CASD1: variants seen among roughly 807,000 people sequenced by gnomAD.
CASD1 encodes CAS1 domain sialic acid O acetyltransferase 1, also known as N-acetylneuraminate (7)9-O-acetyltransferase.
CASD1 carries 41 observed loss-of-function variants against 100.0 expected under a neutral mutation model. The observed-to-expected ratio is 0.41, with a 90% confidence interval of 0.32 to 0.53. CASD1 has a LOEUF of 0.53. CASD1 is among the 20% of genes least tolerant of loss of function. The pLI is 0.25. For synonymous variants in CASD1, 321 were observed against 315.6 expected (o/e 1.02, Z -0.18); for missense variants, 774 against 948.7 (o/e 0.82, Z 2.42).
the CASD1 span, among the ~76,000 whole-genome samples, chr7:94,574,073 G>C: frequency 2.0e-5 from 3 of 152,184 alleles, no homozygotes; most frequent in African/African-American, 7.2e-5. Flanking sequence ...ATCCCAGGAT[G>C]AAACCTACTT....
chr7:94,569,157 G>A, the CASD1 span, among the ~76,000 whole-genome samples: 2 of 152,118 alleles, frequency 1.3e-5, no homozygotes, highest in African/African-American at 2.4e-5. Context: ...ATGGAGGGCA[G>A]TCTAGATATA....
At chr7:94,521,899 C>T (rs974826838) in intron 3 of CASD1, among the ~76,000 whole-genome samples, 3 of 152,134 alleles carry the variant, frequency 2.0e-5, no homozygotes, top group Non-Finnish European at 4.4e-5. Flanking sequence ...TCCTGGCTAA[C>T]ACGGTGAAAC....
chr7:94,528,273 CTT>C (rs57770781), intron 5 of CASD1, 23 bp downstream of exon 5: 54,650 of 1,116,800 alleles, frequency 0.049, 24 homozygotes, highest in East Asian at 0.11. Flanking sequence ...AAAACATAGG[CTT>C]TTTTTTTTTT....
In CASD1 at chr7:94,544,515, C is replaced by G; in HGVS notation, c.1461C>G (p.Ile487Met). The change falls in exon 11 of 18, where the codon ATC (isoleucine) becomes ATG (methionine). Residue 487 changes from isoleucine to methionine, a missense_variant. By Grantham distance (10) the Ile-to-Met change is conservative. This residue lies in a region of CASD1 where 453 missense variants were observed against 532.6 expected (regional missense o/e 0.85). Transcript: ENST00000297273. ...TTTGGATAAAAGGAGATTTTGGAAT[C>G]TATAGAGTATGTCAGGTAGGAATGC... ...SYFWIKGDFG[I>M]YRVCQVLFRL... is the part of the protein sequence containing the mutation. 6.2e-7 allele frequency: 1 copy of G among 1,612,646 alleles called. No homozygotes were observed. The highest frequency in any genetic ancestry group is 8.5e-7 in the Non-Finnish European group (1 of 1,179,272).
Position 94,510,064 on chromosome 7 carries a change from T to C in CASD1, c.-21T>C. ...GCCCCTTTCCCGCTCCGCCGCGCAC[T>C]GTTGTCATGGAGGAACCAAGATGGC... On this transcript the variant is annotated 5_prime_UTR_variant, in exon 1 of 18. Coordinates refer to ENST00000297273, the MANE Select transcript of CASD1 (RefSeq NM_022900.5). The C allele has an allele frequency of 6.7e-7, 1 of 1,496,474 alleles. No homozygotes were observed. Among genetic ancestry groups the C allele is most frequent in the Non-Finnish European group, 8.9e-7 (1 of 1,118,488 alleles). The allele number at this position is 1,496,474 out of a possible 1,614,324, so 92.7% of individuals were successfully genotyped here.
chr7:94,596,469 T>G, the CASD1 span, among the ~76,000 whole-genome samples: 3 of 152,120 alleles, frequency 2.0e-5, no homozygotes, highest in African/African-American at 7.2e-5. Flanking sequence ...CAGCACTGTT[T>G]GTTACATTAT....
the CASD1 span, chr7:94,618,489 T>G: frequency 2.8e-6 from 1 of 358,358 alleles, no homozygotes; most frequent in South Asian, 4.7e-5. Flanking sequence ...AGCTTCTTAA[T>G]GGAAGGTACA....
In CASD1 at chr7:94,555,512, C is replaced by G; in HGVS notation, c.2148C>G (p.His716Gln). ...ISLELFICQY[H>Q]IWLAADTRGI... Reference sequence around the variant, plus strand: ...CCTAGCTATTTATTTGCCAGTATCACATATGGCTGGCAGCGGACACAAGGG... The same window carrying G: ...CCTAGCTATTTATTTGCCAGTATCAGATATGGCTGGCAGCGGACACAAGGG... Residue 716 changes from histidine (H) to glutamine (Q), a missense_variant, in exon 18 of 18, where the codon CAC becomes CAG. Physicochemically the swap from His to Gln is conservative, Grantham distance 24. Transcript: ENST00000297273. 1 of 1,613,018 alleles carries G rather than the reference C, an allele frequency of 6.2e-7. No individual in the cohort carries two copies. Among genetic ancestry groups the G allele is most frequent in the Non-Finnish European group, 8.5e-7 (1 of 1,179,412 alleles).
At chr7:94,619,621 T>A in the CASD1 span, 29 of 152,382 alleles carry the variant, frequency 1.9e-4, no homozygotes, top group Admixed American at 1.7e-3. Flanking sequence ...TATATTCTAA[T>A]TGTTCTCTTA....
chr7:94,586,274 T>G, the CASD1 span, among the ~76,000 whole-genome samples: 2 of 152,112 alleles, frequency 1.3e-5, no homozygotes, highest in Non-Finnish European at 2.9e-5. Context: ...TGCATAAATG[T>G]AGCTGCCTCT....
intron 3 of CASD1, among the ~76,000 whole-genome samples, chr7:94,522,860 A>G (rs1288549392): frequency 1.3e-5 from 2 of 151,970 alleles, no homozygotes; most frequent in Non-Finnish European, 2.9e-5. Context: ...ACAGGGTTTC[A>G]CCGTGTTAGC....
In CASD1 at chr7:94,537,478, A is replaced by G. The variant is rs1299381374; in HGVS notation, c.850A>G (p.Met284Val). ...TAACTTGATTTGTTCACAGACTGCA[A>G]TGATTCTTATGAATGTGTATTGCAA... ...LPESSRETTAMILMNVYCNKI... is the reference protein window; with the variant it reads ...LPESSRETTAVILMNVYCNKI... The change falls in exon 9 of 18, where the codon ATG (methionine) becomes GTG (valine). Residue 284 changes from methionine (M) to valine (V), a missense_variant. Physicochemically the swap from Met to Val is conservative, Grantham distance 21. Coordinates refer to ENST00000297273, the MANE Select transcript of CASD1 (RefSeq NM_022900.5). 1.2e-6 allele frequency: 2 copies of G among 1,601,736 alleles called. No homozygotes were observed. The highest frequency in any genetic ancestry group is 1.1e-5 in the South Asian group (1 of 89,698).
At chr7:94,554,706 C>G (rs1796118601) in intron 17 of CASD1, 131 bp downstream of exon 17, 1 of 528,794 alleles carries the variant, frequency 1.9e-6, no homozygotes, top group Non-Finnish European at 3.3e-6. Flanking sequence ...TAAACTGAAG[C>G]TATTATGGAA....
At chr7:94,520,512 C>T (rs919423538) in intron 3 of CASD1, among the ~76,000 whole-genome samples, 5 of 152,146 alleles carry the variant, frequency 3.3e-5, no homozygotes, top group Non-Finnish European at 5.9e-5. Flanking sequence ...TCGTATCTCC[C>T]TCTTAGATAG....
chr7:94,543,199 T>G (rs1168493890), intron 10 of CASD1, among the ~76,000 whole-genome samples: 2 of 151,998 alleles, frequency 1.3e-5, no homozygotes, highest in Non-Finnish European at 2.9e-5. Flanking sequence ...GAACTTATGG[T>G]CTAAGTTCAT....
chr7:94,622,215 C>G, the CASD1 span: 3 of 152,148 alleles, frequency 2.0e-5, no homozygotes, highest in Non-Finnish European at 4.4e-5. Flanking sequence ...AAAAATTCCC[C>G]TATCAAGAAT....
intron 1 of CASD1, among the ~76,000 whole-genome samples, chr7:94,514,471 C>T (rs1003121627): frequency 2.0e-5 from 3 of 152,044 alleles, no homozygotes; most frequent in Non-Finnish European, 2.9e-5. Context: ...CAGGATAATT[C>T]GGTCTAAATT....
At chr7:94,552,029 C>T (rs1219424013) in intron 15 of CASD1, 9 of 234,680 alleles carry the variant, frequency 3.8e-5, no homozygotes, top group South Asian at 1.7e-4. Context: ...CTCAATTAAA[C>T]GGGAATTTTA....
chr7:94,615,115 C>T, the CASD1 span, among the ~76,000 whole-genome samples: 8 of 152,288 alleles, frequency 5.3e-5, 1 homozygote, highest in Middle Eastern at 3.4e-3. Context: ...AAGCCCAGCA[C>T]TCTGGGAGGC....
Sources: gnomAD v4.1 joint callset for allele counts (sites outside exome capture counted in the v4.1 genomes callset) on GRCh38, gnomAD v4.1.1 for gene constraint, gnomAD v4.1.1 regional missense constraint, MANE v1.5 for transcripts, NCBI Gene and HGNC (gene_info 2026-07-23, HGNC 2026-07-21) for gene names.